Variants in ELN observed in about 807,000 individuals in gnomAD.
ELN encodes elastin.
A neutral mutation model predicts 105.8 loss-of-function variants in ELN; 65 were observed. The ratio of observed to expected loss-of-function variants is 0.61; its 90% CI spans 0.50 to 0.75. The LOEUF is 0.75. Ranked by LOEUF, ELN falls within the 30% of genes least tolerant of loss-of-function variation. The pLI is 0.00. For synonymous variants in ELN, 368 were observed against 389.2 expected, an observed-to-expected ratio of 0.95 and a Z score of 0.64; for missense variants, 882 against 969.4, an observed-to-expected ratio of 0.91 and a Z score of 1.20.
At chr7:74,049,431 C>T (rs558584127) in intron 15 of ELN, among the ~76,000 whole-genome samples, 26 of 151,544 alleles carry the variant, frequency 1.7e-4, no homozygotes, top group Admixed American at 1.7e-3. Flanking sequence ...CTCATCCATC[C>T]ATCCATTTAT....
rs373945392 is a variant in ELN at position 74,066,714 on chromosome 7, C to T, written c.2087-18C>T. 1 of 1,613,964 alleles carries T rather than the reference C, an allele frequency of 6.2e-7. No homozygotes were observed. On this transcript the variant is annotated intron_variant, in intron 31 of 32. Transcript: ENST00000252034. Reference sequence around the variant, plus strand: ...TTTCCACCCCTACCAACCCACCAACCTGAAATCTCTCCTGCAGGAGTGGCA... The same window carrying T: ...TTTCCACCCCTACCAACCCACCAACTTGAAATCTCTCCTGCAGGAGTGGCA...
chr7:74,051,511 G>A (rs1391173009), intron 15 of ELN, among the ~76,000 whole-genome samples: 5 of 152,204 alleles, frequency 3.3e-5, no homozygotes, highest in African/African-American at 1.2e-4. Flanking sequence ...TGATTAGAAT[G>A]GGATTTGTCT....
intron 29 of ELN, among the ~76,000 whole-genome samples, chr7:74,064,279 G>A (rs1187875369): frequency 1.3e-5 from 2 of 151,858 alleles, no homozygotes; most frequent in Non-Finnish European, 2.9e-5. Flanking sequence ...GCTGGGCGTG[G>A]TGGCAGACGC....
intron 8 of ELN, 164 bp from the exon 9 acceptor site, chr7:74,043,715 C>T (rs1054068009): frequency 2.0e-5 from 16 of 816,000 alleles, no homozygotes; most frequent in South Asian, 8.9e-5. Context: ...TTCCGAAACT[C>T]GTGGGAGGAG....
At chr7:74,061,274 T>C (rs1796584522) in intron 26 of ELN, 135 bp downstream of exon 26, 1 of 1,119,620 alleles carries the variant, frequency 8.9e-7, no homozygotes, top group Non-Finnish European at 1.3e-6. Flanking sequence ...CCCAGCACTT[T>C]GGGAGGCCGA....
At chr7:74,055,812 A>C (rs1314045137) in intron 19 of ELN, among the ~76,000 whole-genome samples, 3 of 143,734 alleles carry the variant, frequency 2.1e-5, no homozygotes, top group Non-Finnish European at 4.5e-5. Flanking sequence ...TTTGAGACGG[A>C]GTCTTGCTCT....
intron 9 of ELN, 69 bp downstream of exon 9, chr7:74,043,989 T>C (rs1477799229): frequency 3.1e-6 from 5 of 1,589,652 alleles, no homozygotes; most frequent in Non-Finnish European, 4.3e-6. Flanking sequence ...CTCATGCCTA[T>C]AATCCCATTG....
chr7:74,054,778 T>C lies in ELN; in HGVS notation c.1150+9T>C, dbSNP rs1554678561. On this transcript the variant is annotated intron_variant, in intron 19 of 32. Transcript: ENST00000252034. ...AAAGGCAGCCAAATACGGTGAGTGC[T>C]ATGCTGACAGCTCTGCCCCACCCTG... The C allele has an allele frequency of 1.2e-6, 2 of 1,613,884 alleles. No individual in the cohort carries two copies. The highest frequency in any genetic ancestry group is 2.7e-5 in the African/African-American group (2 of 74,932).
At chr7:74,036,383 C>T (rs977298975) in intron 2 of ELN, among the ~76,000 whole-genome samples, 172 bp from the exon 3 acceptor site, 15 of 152,096 alleles carry the variant, frequency 9.9e-5, no homozygotes, top group African/African-American at 3.6e-4. Context: ...CAGATACATA[C>T]TGACACTGGA....
At chr7:74,031,888 G>GGAAGGAAA (rs1788781503) in intron 1 of ELN, among the ~76,000 whole-genome samples, 1 of 150,760 alleles carries the variant, frequency 6.6e-6, no homozygotes. Flanking sequence ...AAGGAAGGAA[G>GGAAGGAAA]GAAGGAAGGA....
chr7:74,049,748 C>T (rs546411537), intron 15 of ELN, among the ~76,000 whole-genome samples: 2 of 150,980 alleles, frequency 1.3e-5, no homozygotes, highest in Non-Finnish European at 3.0e-5. Flanking sequence ...CTCTATCCAT[C>T]CACTCATCCA....
intron 3 of ELN, among the ~76,000 whole-genome samples, chr7:74,037,293 A>G (rs1172264775): frequency 6.6e-6 from 1 of 151,576 alleles, no homozygotes; most frequent in Non-Finnish European, 1.5e-5. Context: ...TCCCAGGTTC[A>G]GGTGATTCTC....
At chr7:74,057,848 T>C (rs1418967401) in intron 22 of ELN, 152 bp downstream of exon 22, 3 of 825,314 alleles carry the variant, frequency 3.6e-6, no homozygotes, top group Non-Finnish European at 6.0e-6. Flanking sequence ...TTTGGCCCAC[T>C]GATGAATGAC....
chr7:74,065,074 C>CG (rs1797646333), intron 29 of ELN, among the ~76,000 whole-genome samples: 2 of 151,286 alleles, frequency 1.3e-5, no homozygotes, highest in Non-Finnish European at 3.0e-5. Context: ...GACCCCCCCC[C>CG]ACCACCACCT....
Position 74,056,415 on chromosome 7 carries a change from T to A in ELN, c.1295T>A (p.Val432Asp), listed in dbSNP as rs1554679846. 1 of 1,613,590 alleles carries A rather than the reference T, an allele frequency of 6.2e-7. No individual in the cohort carries two copies. The highest frequency in any genetic ancestry group is 1.1e-5 in the South Asian group (1 of 91,052). The change falls in exon 20 of 33, where the codon GTC becomes GAC. Residue 432 changes from valine to aspartate, a missense_variant. Coordinates refer to ENST00000252034, the MANE Select transcript of ELN (RefSeq NM_000501.4). ...GGAGGTGTTCCCGGAGTCGGAGGTG[T>A]CCCGGGAGTTGGCATTTCCCGTGAG... ...GVGGVPGVGG[V>D]PGVGISPEAQ...
intron 32 of ELN, among the ~76,000 whole-genome samples, chr7:74,067,251 T>G (rs1168385915): frequency 4.6e-5 from 7 of 151,138 alleles, no homozygotes; most frequent in Admixed American, 4.6e-4. Context: ...AAACCCCGTC[T>G]CTACTAAAAA....
intron 32 of ELN, among the ~76,000 whole-genome samples, chr7:74,067,945 A>AC (rs1314902740): frequency 6.7e-6 from 1 of 149,608 alleles, no homozygotes; most frequent in East Asian, 1.9e-4. Flanking sequence ...AAAAAAAAAA[A>AC]AAAAAAAAAA....
chr7:74,029,878 G>T (rs1278348624), intron 1 of ELN, among the ~76,000 whole-genome samples: 3 of 152,192 alleles, frequency 2.0e-5, no homozygotes, highest in Non-Finnish European at 4.4e-5. Context: ...GCTCCGGCAG[G>T]CTAAGGCAGT....
intron 25 of ELN, 27 bp downstream of exon 25, chr7:74,060,528 C>T (rs2132326601): frequency 6.2e-7 from 1 of 1,614,218 alleles, no homozygotes; most frequent in South Asian, 1.1e-5. Flanking sequence ...TAGGCGGAGC[C>T]TGTCCCCTGA....
Sources: allele counts gnomAD v4.1 joint callset (sites outside exome capture counted in the v4.1 genomes callset), GRCh38; gene constraint gnomAD v4.1.1; transcripts MANE v1.5; gene names NCBI Gene and HGNC (gene_info 2026-07-23, HGNC 2026-07-21).